CCBE1: variants seen among roughly 807,000 people sequenced by gnomAD.
The protein encoded by CCBE1 is collagen and calcium binding EGF domains 1, also known as collagen and calcium-binding EGF domain-containing protein 1.
In CCBE1, 37 loss-of-function variants were observed where a neutral mutation model predicts 50.0. The observed-to-expected ratio is 0.74, with a 90% CI of 0.57 to 0.97. CCBE1 has a LOEUF of 0.97. Among genes scored for constraint, CCBE1 ranks in the 50% least tolerant of loss-of-function variants. The pLI, the probability that CCBE1 is intolerant of heterozygous loss-of-function variation, is 0.00. For missense variants in CCBE1, 538 were observed against 523.8 expected (o/e 1.03, Z -0.26); for synonymous variants, 234 against 203.7 (o/e 1.15, Z -1.27).
intron 2 of CCBE1, among the ~76,000 whole-genome samples, chr18:59,657,561 T>C (rs1423031452): frequency 1.3e-5 from 2 of 152,188 alleles, no homozygotes; most frequent in Admixed American, 6.5e-5. Context: ...CACCACTCTT[T>C]AGGCTCAACA....
chr18:59,571,762 TATCTC>T (rs1163593271), intron 2 of CCBE1, among the ~76,000 whole-genome samples: 1 of 152,228 alleles, frequency 6.6e-6, no homozygotes, highest in Admixed American at 6.5e-5. Context: ...TAATATGTTT[TATCTC>T]ATACGTACAG....
At chr18:59,597,259 A>T (rs1203187660) in intron 2 of CCBE1, among the ~76,000 whole-genome samples, 1 of 152,252 alleles carries the variant, frequency 6.6e-6, no homozygotes, top group Non-Finnish European at 1.5e-5. Flanking sequence ...TGAGGATTAA[A>T]CAAGGTAATT....
intron 2 of CCBE1, among the ~76,000 whole-genome samples, chr18:59,497,874 CTCTG>C (rs965198845): frequency 3.9e-5 from 6 of 152,336 alleles, no homozygotes; most frequent in African/African-American, 1.4e-4. Context: ...ATCCAGCCGC[CTCTG>C]TCTGCCAGGA....
At chr18:59,500,733 A>G (rs686198) in intron 2 of CCBE1, among the ~76,000 whole-genome samples, 5,684 of 152,270 alleles carry the variant, frequency 0.037, 354 homozygotes, top group African/African-American at 0.13. Flanking sequence ...GTTTGTAACC[A>G]TCGTGGCCTT....
intron 2 of CCBE1, among the ~76,000 whole-genome samples, chr18:59,661,966 T>TAA (rs34765491): frequency 0.35 from 52,119 of 148,540 alleles, 9,489 homozygotes; most frequent in African/African-American, 0.44. Context: ...GACTCAGTCT[T>TAA]AAAAAAAAAA....
intron 2 of CCBE1, among the ~76,000 whole-genome samples, chr18:59,482,897 A>AT (rs1019041272): frequency 3.3e-4 from 42 of 128,802 alleles, no homozygotes; most frequent in African/African-American, 8.6e-4. Flanking sequence ...TTTAAGAAGT[A>AT]TTTTTTTTTG....
intron 2 of CCBE1, among the ~76,000 whole-genome samples, chr18:59,635,691 G>A (rs2144635251): frequency 6.6e-6 from 1 of 151,752 alleles, no homozygotes; most frequent in African/African-American, 2.4e-5. Context: ...ATCTGCAAAT[G>A]GAATGTCTAA....
intron 2 of CCBE1, among the ~76,000 whole-genome samples, chr18:59,575,732 T>G (rs966882021): frequency 1.3e-5 from 2 of 152,238 alleles, no homozygotes; most frequent in African/African-American, 4.8e-5. Context: ...GGGTCCTAAG[T>G]TGCAGTGGCT....
chr18:59,484,933 T>G (rs950962105), intron 2 of CCBE1, among the ~76,000 whole-genome samples: 1 of 152,206 alleles, frequency 6.6e-6, no homozygotes, highest in African/African-American at 2.4e-5. Flanking sequence ...ACAACATTAT[T>G]TACGTACAAT....
intron 2 of CCBE1, among the ~76,000 whole-genome samples, chr18:59,553,949 A>T (rs529508204): frequency 3.3e-5 from 5 of 152,322 alleles, no homozygotes; most frequent in East Asian, 3.9e-4. Context: ...TGGACATAAC[A>T]TCTGGAAGAC....
intron 10 of CCBE1, among the ~76,000 whole-genome samples, chr18:59,436,795 CCT>C (rs1407726773): frequency 6.6e-6 from 1 of 151,878 alleles, no homozygotes; most frequent in African/African-American, 2.4e-5. Flanking sequence ...ATGGTGAAAC[CCT>C]GTCTCTACAA....
rs1911761598 is a variant in CCBE1 at position 59,466,683 on chromosome 18, A to G, written c.553+56T>C. On this transcript the variant is annotated intron_variant, in intron 5 of 10. Transcript: ENST00000439986. ...ATATATAAACCCCCAAACTGGTTAT[A>G]TATATAATATATAAAAATATGTAAT... 34 of 1,252,856 alleles carry G rather than the reference A, an allele frequency of 2.7e-5. No individual in the cohort carries two copies. The South Asian group carries it at 4.4e-4, about 16-fold the overall frequency. 77.6% of individuals were successfully genotyped at this position (1,252,856 alleles called of 1,614,324 possible). A position where few individuals can be genotyped will look rare whatever the true frequency, so the allele number is the denominator to read the frequency against.
intron 2 of CCBE1, among the ~76,000 whole-genome samples, chr18:59,691,550 C>T (rs959041451): frequency 1.3e-4 from 20 of 152,194 alleles, no homozygotes; most frequent in Admixed American, 4.6e-4. Flanking sequence ...AGACTATAGG[C>T]GTGTGCCACC....
chr18:59,571,571 A>G (rs996870045), intron 2 of CCBE1, among the ~76,000 whole-genome samples: 3 of 152,172 alleles, frequency 2.0e-5, no homozygotes, highest in African/African-American at 4.8e-5. Flanking sequence ...ACATATATAC[A>G]TATGTAACAA....
At chr18:59,679,880 G>A (rs2054562024) in intron 2 of CCBE1, among the ~76,000 whole-genome samples, 1 of 152,166 alleles carries the variant, frequency 6.6e-6, no homozygotes, top group Admixed American at 6.5e-5. Flanking sequence ...TTGAGGCGGG[G>A]ACGGAGCTTC....
At position 59,589,756 on chromosome 18, in the gene CCBE1, G is replaced by A. The variant is rs190477701; in HGVS notation, c.212+106873C>T. On this transcript the variant is annotated intron_variant, in intron 2 of 10. Transcript: ENST00000439986. ...AGAGCTTGCAGTGAGCCGAGATTGC[G>A]CCACTGCCAGGGCGACAGAGCGAGA... Among the ~76,000 whole-genome samples, 335 of 132,560 alleles carry A rather than the reference G, an allele frequency of 2.5e-3. 5 individuals are homozygous for A. The East Asian group carries it at 0.037, about 15-fold the overall frequency. 87.0% of individuals were successfully genotyped at this position (132,560 alleles called of 152,430 possible).
At chr18:59,578,298 C>G (rs186964209) in intron 2 of CCBE1, among the ~76,000 whole-genome samples, 2 of 152,278 alleles carry the variant, frequency 1.3e-5, no homozygotes. Context: ...AGTCAGGAAA[C>G]AGATGCTGGA....
intron 2 of CCBE1, among the ~76,000 whole-genome samples, chr18:59,570,526 T>C (rs978240492): frequency 8.5e-5 from 13 of 152,174 alleles, no homozygotes; most frequent in Non-Finnish European, 1.6e-4. Context: ...ATACATTCTC[T>C]TGGATTTGAC....
intron 2 of CCBE1, among the ~76,000 whole-genome samples, chr18:59,674,568 T>C (rs2054474415): frequency 6.6e-6 from 1 of 152,064 alleles, no homozygotes; most frequent in Admixed American, 6.6e-5. Context: ...TATATACCTA[T>C]GTAACAAACC....
Sources: allele counts gnomAD v4.1 joint callset (sites outside exome capture counted in the v4.1 genomes callset), GRCh38; gene constraint gnomAD v4.1.1; transcripts MANE v1.5; gene names NCBI Gene and HGNC (gene_info 2026-07-23, HGNC 2026-07-21).